Variants in PRKG1 observed in about 807,000 individuals in gnomAD.
PRKG1 encodes the protein protein kinase cGMP-dependent 1.
A neutral mutation model predicts 88.1 loss-of-function variants in PRKG1; 35 were observed. The observed-to-expected ratio is 0.40, with a 90% CI of 0.30 to 0.53. The LOEUF (loss-of-function observed/expected upper bound fraction) is 0.53. PRKG1 is among the 20% of genes least tolerant of loss of function. PRKG1 has a pLI of 0.59. For missense variants in PRKG1, 540 were observed against 839.8 expected (o/e 0.64, Z 4.41); for synonymous variants, 303 against 292.5 (o/e 1.04, Z -0.37).
At position 52,287,638 on chromosome 10, in the gene PRKG1, C is replaced by A. The variant is rs1842148291; in HGVS notation, c.1710-1088C>A. 3.3e-5 allele frequency among the ~76,000 whole-genome samples: 5 copies of A among 150,104 alleles called. No homozygotes were observed. In the South Asian group the frequency reaches 1.1e-3, roughly 32 times the overall value. On this transcript the variant is annotated intron_variant, in intron 14 of 17. Coordinates refer to ENST00000373980, the MANE Select transcript of PRKG1 (RefSeq NM_006258.4). The stretch of plus-strand genomic sequence containing the variant: ...TGAGAAATTTGAAGGAAAGACCTGA[C>A]TTTAGTCATCTTTGTACTCACTGAA...
At chr10:51,457,880 A>C (rs1432783615) in intron 2 of PRKG1, among the ~76,000 whole-genome samples, 1 of 152,092 alleles carries the variant, frequency 6.6e-6, no homozygotes, top group Non-Finnish European at 1.5e-5. Flanking sequence ...GTGCTGGAGG[A>C]CAAAGGTCAT....
At chr10:51,518,008 TG>T (rs1841634718) in intron 3 of PRKG1, among the ~76,000 whole-genome samples, 1 of 152,178 alleles carries the variant, frequency 6.6e-6, no homozygotes, top group Admixed American at 6.5e-5. Flanking sequence ...CTGGAATCTT[TG>T]TTTTTTTGAG....
chr10:51,543,161 C>T (rs996911485), intron 3 of PRKG1, among the ~76,000 whole-genome samples: 15 of 152,146 alleles, frequency 9.9e-5, no homozygotes, highest in African/African-American at 3.1e-4. Context: ...TCCCATCTAA[C>T]ATTACCAATA....
At chr10:51,110,730 A>T (rs937853927) in intron 1 of PRKG1, among the ~76,000 whole-genome samples, 4 of 152,242 alleles carry the variant, frequency 2.6e-5, no homozygotes, top group Admixed American at 6.6e-5. Flanking sequence ...CATCAGTTGT[A>T]TCTAAAGAGA....
At chr10:51,677,647 C>T (rs1223764414) in intron 3 of PRKG1, among the ~76,000 whole-genome samples, 1 of 152,184 alleles carries the variant, frequency 6.6e-6, no homozygotes, top group African/African-American at 2.4e-5. Context: ...GTCTGTAATT[C>T]TCCCAGCTTC....
At chr10:51,281,685 T>G (rs1024532208) in intron 2 of PRKG1, among the ~76,000 whole-genome samples, 1 of 152,174 alleles carries the variant, frequency 6.6e-6, no homozygotes, top group Non-Finnish European at 1.5e-5. Flanking sequence ...TGTCCCTGTC[T>G]GTTAGAAGAT....
At position 52,295,622 on chromosome 10, in the gene PRKG1, A is replaced by G. The variant is rs980962383; in HGVS notation, c.*1722A>G. The G allele has an allele frequency of 2.0e-5, 3 of 151,946 alleles. No individual in the cohort carries two copies. Among genetic ancestry groups the G allele is most frequent in the African/African-American group, 7.2e-5 (3 of 41,442 alleles). 9.4% of individuals were successfully genotyped at this position (151,946 alleles called of 1,614,324 possible). A position where few individuals can be genotyped will look rare whatever the true frequency, so the allele number is the denominator to read the frequency against. On this transcript the variant is annotated 3_prime_UTR_variant, in exon 18 of 18. Transcript: ENST00000373980. ...TTTTGGCCCTGTGTGAATTTGGTAT[A>G]TTAAATTGACGCTTGCTTTTTTTTT... is the stretch of plus-strand genomic sequence containing the variant.
chr10:51,746,244 C>T (rs183271249), intron 3 of PRKG1, among the ~76,000 whole-genome samples: 9 of 151,980 alleles, frequency 5.9e-5, no homozygotes, highest in Admixed American at 2.0e-4. Context: ...AAAGCCAAAC[C>T]GAACAAGCAA....
intron 3 of PRKG1, among the ~76,000 whole-genome samples, chr10:51,721,448 A>G (rs1589231692): frequency 6.6e-6 from 1 of 152,142 alleles, no homozygotes; most frequent in African/African-American, 2.4e-5. Flanking sequence ...AGTAACAGAA[A>G]CCTTGCCTTC....
At chr10:51,262,082 T>G (rs1296741531) in intron 2 of PRKG1, among the ~76,000 whole-genome samples, 18 of 151,728 alleles carry the variant, frequency 1.2e-4, no homozygotes, top group African/African-American at 2.9e-4. Context: ...GAGACGGGGT[T>G]TCACTGTGTT....
intron 2 of PRKG1, among the ~76,000 whole-genome samples, chr10:51,379,412 G>A (rs1342955291): frequency 1.3e-5 from 2 of 152,250 alleles, no homozygotes; most frequent in Non-Finnish European, 2.9e-5. Flanking sequence ...TATAGATGAG[G>A]AAACAAGAGC....
intron 3 of PRKG1, among the ~76,000 whole-genome samples, chr10:51,770,826 CTA>C (rs1163465493): frequency 2.0e-5 from 3 of 152,106 alleles, no homozygotes; most frequent in Non-Finnish European, 2.9e-5. Context: ...GGAACTACTG[CTA>C]TAAGAGACAG....
intron 9 of PRKG1, among the ~76,000 whole-genome samples, chr10:52,202,838 G>A (rs761123772): frequency 8.6e-5 from 13 of 151,964 alleles, no homozygotes; most frequent in Non-Finnish European, 1.8e-4. Flanking sequence ...TAGTCTCTGA[G>A]GTTTTTGTAT....
chr10:52,144,074 T>C (rs1837658638), intron 8 of PRKG1, among the ~76,000 whole-genome samples: 1 of 152,078 alleles, frequency 6.6e-6, no homozygotes, highest in South Asian at 2.1e-4. Context: ...CACTATAACA[T>C]GAGAGCCAAG....
At chr10:51,635,436 A>G (rs1187977432) in intron 3 of PRKG1, among the ~76,000 whole-genome samples, 2 of 152,154 alleles carry the variant, frequency 1.3e-5, no homozygotes, top group African/African-American at 4.8e-5. Context: ...TTTACCAATC[A>G]TGAGAAAATT....
At chr10:51,716,355 C>T (rs960626059) in intron 3 of PRKG1, among the ~76,000 whole-genome samples, 9 of 152,190 alleles carry the variant, frequency 5.9e-5, no homozygotes, top group African/African-American at 9.7e-5. Flanking sequence ...TCAAACATAA[C>T]ATTCTCTGCC....
chr10:51,058,483 A>C (rs913023873), intron 1 of PRKG1, among the ~76,000 whole-genome samples: 1 of 152,028 alleles, frequency 6.6e-6, no homozygotes, highest in African/African-American at 2.4e-5. Flanking sequence ...AACCTCCCCC[A>C]CTATCAGAGT....
At chr10:51,189,848 T>C (rs1005679178) in intron 2 of PRKG1, among the ~76,000 whole-genome samples, 1 of 151,974 alleles carries the variant, frequency 6.6e-6, no homozygotes, top group African/African-American at 2.4e-5. Context: ...TATTTATTTA[T>C]TAGCTCACGT....
chr10:51,210,478 A>C (rs1309388823), intron 2 of PRKG1, among the ~76,000 whole-genome samples: 1 of 152,244 alleles, frequency 6.6e-6, no homozygotes, highest in Non-Finnish European at 1.5e-5. Context: ...AGCAGAACTG[A>C]AGGAAATAGA....
Sources: gnomAD v4.1 joint callset for allele counts (sites outside exome capture counted in the v4.1 genomes callset) on GRCh38, gnomAD v4.1.1 for gene constraint, MANE v1.5 for transcripts, NCBI Gene and HGNC (gene_info 2026-07-23, HGNC 2026-07-21) for gene names.